SAMHD1: variants seen among roughly 807,000 people sequenced by gnomAD.
The protein encoded by SAMHD1 is deoxynucleoside triphosphate triphosphohydrolase SAMHD1.
SAMHD1 carries 54 observed loss-of-function variants against 79.6 expected under a neutral mutation model. The ratio of observed to expected loss-of-function variants is 0.68; its 90% CI spans 0.55 to 0.85. The LOEUF (loss-of-function observed/expected upper bound fraction) is 0.85, where lower values mean the gene tolerates loss of function less well. Among genes scored for constraint, SAMHD1 ranks in the 40% least tolerant of loss-of-function variants. The pLI, the probability that SAMHD1 is intolerant of heterozygous loss-of-function variation, is 0.00. For synonymous variants in SAMHD1, 260 were observed against 264.1 expected (o/e 0.98, Z 0.15); for missense variants, 663 against 782.7 (o/e 0.85, Z 1.82).
chr20:36,909,908 C>G (rs2063427096), intron 11 of SAMHD1, among the ~76,000 whole-genome samples: 1 of 151,478 alleles, frequency 6.6e-6, no homozygotes, highest in Non-Finnish European at 1.5e-5. Context: ...ATAATGGGAC[C>G]CTGTCTCTAC....
rs2063438804 is a variant in SAMHD1, at chr20:36,911,298, A to G, written c.1190T>C (p.Ile397Thr). The change falls in exon 11 of 16, where the codon ATA (isoleucine) becomes ACA (threonine). Residue 397 changes from isoleucine to threonine, a missense_variant. Transcript: ENST00000646673. The stretch of plus-strand genomic sequence containing the variant: ...TTTTCCTCCAGCACCTGTAATCTCT[A>G]TGTAGTCATCTGCTTTGAGGAAAGC... ...TDAFLKADDY[I>T]EITGAGGKKY... 3 of 1,612,578 alleles carry G rather than the reference A, an allele frequency of 1.9e-6. No individual in the cohort carries two copies. The highest frequency in any genetic ancestry group is 4.5e-5 in the East Asian group (2 of 44,856).
intron 7 of SAMHD1, among the ~76,000 whole-genome samples, chr20:36,918,820 AAAAAGAAAG>A (rs2063489939): frequency 6.7e-6 from 1 of 149,986 alleles, no homozygotes; most frequent in Non-Finnish European, 1.5e-5. Context: ...AAAAAAAAAA[AAAAAGAAAG>A]AAAGAAAGAA....
At chr20:36,917,102 T>C in intron 7 of SAMHD1, 53 bp from the exon 8 acceptor site, 3 of 1,177,862 alleles carry the variant, frequency 2.5e-6, no homozygotes, top group East Asian at 4.7e-5. Context: ...CAAATCTATT[T>C]ATAAACAAAG....
intron 13 of SAMHD1, among the ~76,000 whole-genome samples, chr20:36,900,783 A>G (rs1008250890): frequency 2.0e-5 from 3 of 148,634 alleles, no homozygotes; most frequent in African/African-American, 5.0e-5. Flanking sequence ...CATGTTGGCC[A>G]GGATGGTCTC....
intron 13 of SAMHD1, among the ~76,000 whole-genome samples, chr20:36,899,384 C>A (rs1359138861): frequency 1.3e-5 from 2 of 151,764 alleles, no homozygotes; most frequent in African/African-American, 4.8e-5. Context: ...GTTGAGATTG[C>A]GCCACTGCAC....
chr20:36,918,946 G>T (rs1387480225), intron 7 of SAMHD1, among the ~76,000 whole-genome samples: 1 of 151,964 alleles, frequency 6.6e-6, no homozygotes, highest in Non-Finnish European at 1.5e-5. Flanking sequence ...GACTAACCTG[G>T]GCAACGTGAC....
Position 36,935,156 on chromosome 20 carries a change from G to A in SAMHD1, c.382C>T (p.Leu128Phe). 8 of 1,613,594 alleles carry A rather than the reference G, an allele frequency of 5.0e-6. No individual in the cohort carries two copies. The highest frequency in any genetic ancestry group is 6.8e-6 in the Non-Finnish European group (8 of 1,179,514). Residue 128 changes from leucine to phenylalanine, a missense_variant, in exon 4 of 16, where the codon CTC becomes TTC. Transcript: ENST00000646673. ...ATGATTCGGACGAGGAGAGGGTGGA[G>A]CTCAATGTGGCCATGGATAGGATCA... Reference protein sequence around the residue: ...INDPIHGHIELHPLLVRIIDT... With the variant: ...INDPIHGHIEFHPLLVRIIDT...
intron 3 of SAMHD1, among the ~76,000 whole-genome samples, chr20:36,939,253 CAAAAAAAAAAAAAAAAAA>C (rs57018620): frequency 2.7e-5 from 1 of 36,636 alleles, no homozygotes; most frequent in African/African-American, 1.3e-4. Flanking sequence ...GACTCCCTCT[CAAAAAAAAAAAAAAAAAA>C]AAAAAAAAGA....
At chr20:36,925,542 G>C (rs760710201) in intron 6 of SAMHD1, among the ~76,000 whole-genome samples, 49 of 152,042 alleles carry the variant, frequency 3.2e-4, no homozygotes, top group Non-Finnish European at 1.3e-4. Flanking sequence ...TTTTCAAAAG[G>C]CACCATGAAA....
rs988786199 is a variant in SAMHD1, at chr20:36,931,092, A to G, written c.510-217T>C. 5.2e-6 allele frequency: 3 copies of G among 574,170 alleles called. No individual in the cohort carries two copies. In the African/African-American group the frequency reaches 5.6e-5, roughly 11 times the overall value. The allele number at this position is 574,170 out of a possible 1,614,324, so 35.6% of individuals were successfully genotyped here. On this transcript the variant is annotated intron_variant, in intron 4 of 15. Transcript: ENST00000646673. Reference sequence around the variant, plus strand: ...ATCACCAATCATTAGAGGAATGCACATCAAAACCACAGTGAGATACCACTT... The same window carrying G: ...ATCACCAATCATTAGAGGAATGCACGTCAAAACCACAGTGAGATACCACTT...
chr20:36,934,143 C>G (rs996583514), intron 4 of SAMHD1, among the ~76,000 whole-genome samples: 2 of 152,040 alleles, frequency 1.3e-5, no homozygotes, highest in Non-Finnish European at 2.9e-5. Flanking sequence ...ACTGACCTGT[C>G]TATAGATACT....
intron 2 of SAMHD1, among the ~76,000 whole-genome samples, chr20:36,943,775 G>A (rs970952732): frequency 2.0e-5 from 3 of 152,114 alleles, no homozygotes; most frequent in Non-Finnish European, 4.4e-5. Context: ...TGAGAGGGCT[G>A]AAATGTGGTT....
chr20:36,933,106 G>C (rs938808527), intron 4 of SAMHD1, among the ~76,000 whole-genome samples: 1 of 152,136 alleles, frequency 6.6e-6, no homozygotes, highest in Non-Finnish European at 1.5e-5. Flanking sequence ...AGTAAGGTTC[G>C]ATAAATATTT....
intron 4 of SAMHD1, among the ~76,000 whole-genome samples, chr20:36,934,096 CCT>C (rs1310117523): frequency 4.6e-5 from 7 of 151,924 alleles, no homozygotes; most frequent in African/African-American, 1.7e-4. Flanking sequence ...ACACCCAGCC[CCT>C]GTTAGCTTTT....
At chr20:36,912,999 CT>C (rs747354843) in intron 9 of SAMHD1, among the ~76,000 whole-genome samples, 72 of 106,300 alleles carry the variant, frequency 6.8e-4, no homozygotes, top group East Asian at 1.6e-3. Context: ...TTCTTTCTTC[CT>C]TTTTTTTTTT....
At chr20:36,929,124 T>C (rs1601139739) in intron 5 of SAMHD1, among the ~76,000 whole-genome samples, 1 of 151,400 alleles carries the variant, frequency 6.6e-6, no homozygotes, top group South Asian at 2.1e-4. Context: ...GCCTTGGCCC[T>C]GCTTTGCAAG....
chr20:36,919,031 G>A (rs951196351), intron 7 of SAMHD1, among the ~76,000 whole-genome samples: 1 of 151,908 alleles, frequency 6.6e-6, no homozygotes, highest in East Asian at 1.9e-4. Context: ...AGCTACTCAG[G>A]AGGCTGAGGT....
chr20:36,944,872 C>T (rs927983418), intron 2 of SAMHD1, among the ~76,000 whole-genome samples: 2 of 152,004 alleles, frequency 1.3e-5, no homozygotes, highest in African/African-American at 2.4e-5. Context: ...CCAGCCTGGG[C>T]AACAAAAGCA....
chr20:36,929,453 G>A (rs139455995), intron 5 of SAMHD1, among the ~76,000 whole-genome samples: 35 of 152,192 alleles, frequency 2.3e-4, no homozygotes, highest in Admixed American at 1.0e-3. Flanking sequence ...GAACAGTCCC[G>A]GCCCAACGTG....
Sources: gnomAD v4.1 joint callset for allele counts (sites outside exome capture counted in the v4.1 genomes callset) on GRCh38, gnomAD v4.1.1 for gene constraint, MANE v1.5 for transcripts, NCBI Gene and HGNC (gene_info 2026-07-23, HGNC 2026-07-21) for gene names.